The following IL1RAPL2 variants were observed in gnomAD, a reference collection of about 807,000 sequenced individuals.
IL1RAPL2 encodes the protein interleukin 1 receptor accessory protein like 2.
In IL1RAPL2, 3 loss-of-function variants were observed where a neutral mutation model predicts 44.1. The ratio of observed to expected loss-of-function variants is 0.07; its 90% CI spans 0.03 to 0.18. IL1RAPL2 has a LOEUF of 0.18. Ranked by LOEUF, IL1RAPL2 falls within the 10% of genes least tolerant of loss-of-function variation. The pLI is 1.00. For synonymous variants in IL1RAPL2, 181 were observed against 178.8 expected, an observed-to-expected ratio of 1.01 and a Z score of -0.10; for missense variants, 391 against 496.4, an observed-to-expected ratio of 0.79 and a Z score of 2.02.
intron 6 of IL1RAPL2, among the ~76,000 whole-genome samples, chrX:105,526,862 A>C (rs1402302469): frequency 2.7e-5 from 3 of 111,448 alleles, no homozygotes; most frequent in Non-Finnish European, 5.7e-5. Context: ...TCTGGGCAGG[A>C]GACATGTATT....
intron 2 of IL1RAPL2, among the ~76,000 whole-genome samples, chrX:104,784,630 C>G (rs1189423692): frequency 9.1e-6 from 1 of 110,186 alleles, no homozygotes; most frequent in Non-Finnish European, 1.9e-5. Flanking sequence ...ACACATAACC[C>G]TTCATGTATT....
Position 105,103,005 on chromosome X carries a change from A to G in IL1RAPL2, c.83-92470A>G, listed in dbSNP as rs373560389. Among the ~76,000 whole-genome samples, 4 of 111,612 alleles carry G rather than the reference A, an allele frequency of 3.6e-5. No homozygotes were observed. In the East Asian group the frequency reaches 1.1e-3, roughly 32 times the overall value. On this transcript the variant is annotated intron_variant, in intron 2 of 10. Transcript: ENST00000372582. Reference sequence around the variant, plus strand: ...TGGAAGAGGTTTTTGGGGGTGGAGAAATTTTGAGCACAGTTTTAAACATGT... The same window carrying G: ...TGGAAGAGGTTTTTGGGGGTGGAGAGATTTTGAGCACAGTTTTAAACATGT...
intron 4 of IL1RAPL2, among the ~76,000 whole-genome samples, chrX:105,248,466 A>T (rs948739245): frequency 1.4e-4 from 16 of 111,730 alleles, no homozygotes; most frequent in Non-Finnish European, 1.5e-4. Flanking sequence ...ATAACCAGTT[A>T]GACATGTAAA....
chrX:104,717,445 TA>T (rs767384557), intron 2 of IL1RAPL2, among the ~76,000 whole-genome samples: 13,449 of 83,393 alleles, frequency 0.16, 1,739 homozygotes, highest in African/African-American at 0.42. Context: ...ACTTAAAAGT[TA>T]AAAAAAAAAA....
chrX:105,665,747 T>TG (rs1460299468), intron 6 of IL1RAPL2, among the ~76,000 whole-genome samples: 17 of 98,200 alleles, frequency 1.7e-4, no homozygotes, highest in African/African-American at 5.6e-4. Context: ...TTTTTGTTTT[T>TG]TTTTTTTTGT....
chrX:104,756,854 T>C (rs1932348096), intron 2 of IL1RAPL2, among the ~76,000 whole-genome samples: 1 of 109,338 alleles, frequency 9.1e-6, no homozygotes. Flanking sequence ...TTTCAAGCAG[T>C]GGAAGCATCA....
chrX:104,568,222 G>C (rs1357511499), intron 1 of IL1RAPL2, among the ~76,000 whole-genome samples: 1 of 110,205 alleles, frequency 9.1e-6, no homozygotes, highest in Non-Finnish European at 1.9e-5. Flanking sequence ...TCCTGGCCAG[G>C]GGAATCAAGC....
In IL1RAPL2 at chrX:105,644,597, C is replaced by A. The variant is rs139049617; in HGVS notation, c.773-72770C>A. ...AGTTTCTACTGTTATTCTTCAAGTT[C>A]TTGTTATTTTCTTATTTTTTTTAAT... On this transcript the variant is annotated intron_variant, in intron 6 of 10. Coordinates refer to ENST00000372582, the MANE Select transcript of IL1RAPL2 (RefSeq NM_017416.2). Among the ~76,000 whole-genome samples the A allele has an allele frequency of 7.0e-3, 772 of 110,686 alleles. 7 individuals are homozygous for A. The highest frequency in any genetic ancestry group is 0.024 in the African/African-American group (725 of 30,473).
At chrX:104,869,001 A>G (rs1602769808) in intron 2 of IL1RAPL2, among the ~76,000 whole-genome samples, 1 of 111,675 alleles carries the variant, frequency 9.0e-6, no homozygotes, top group East Asian at 2.8e-4. Context: ...TTGTTTTAAT[A>G]TCAATGATTC....
Position 104,810,017 on chromosome X carries a change from A to G in IL1RAPL2, c.82+151022A>G, listed in dbSNP as rs1932961208. On this transcript the variant is annotated intron_variant, in intron 2 of 10. Coordinates refer to ENST00000372582, the MANE Select transcript of IL1RAPL2 (RefSeq NM_017416.2). ...TAGCAAAGACTTGGAACCAACACAA[A>G]TGTCCAACAATGATAGACTGGATTA... Among the ~76,000 whole-genome samples, 3 of 111,102 alleles carry G rather than the reference A, an allele frequency of 2.7e-5. 1 individual carries two copies. Among genetic ancestry groups the G allele is most frequent in the African/African-American group, 9.8e-5 (3 of 30,603 alleles).
chrX:104,699,343 TGATGGA>T (rs1211429862), intron 2 of IL1RAPL2, among the ~76,000 whole-genome samples: 2 of 111,420 alleles, frequency 1.8e-5, no homozygotes, highest in Admixed American at 9.6e-5. Context: ...CATCTGGGGG[TGATGGA>T]GATAGTAACA....
chrX:105,354,195 A>T (rs1245068590), intron 5 of IL1RAPL2, among the ~76,000 whole-genome samples: 1 of 111,284 alleles, frequency 9.0e-6, no homozygotes, highest in South Asian at 3.8e-4. Context: ...ATAAAGACAC[A>T]TGCACACGTA....
intron 5 of IL1RAPL2, among the ~76,000 whole-genome samples, chrX:105,441,993 A>C (rs892010601): frequency 1.8e-5 from 2 of 111,571 alleles, no homozygotes; most frequent in African/African-American, 6.5e-5. Context: ...TATAGTATTC[A>C]TAAGTAATAA....
intron 2 of IL1RAPL2, among the ~76,000 whole-genome samples, chrX:104,876,683 AATTTT>A (rs1353352275): frequency 1.1e-5 from 1 of 90,601 alleles, no homozygotes; most frequent in Non-Finnish European, 2.2e-5. Context: ...GGACATGCTG[AATTTT>A]ATTTTATTTT....
intron 2 of IL1RAPL2, among the ~76,000 whole-genome samples, chrX:104,917,889 A>G (rs1000445484): frequency 8.9e-6 from 1 of 111,831 alleles, no homozygotes; most frequent in African/African-American, 3.3e-5. Context: ...AAGAGACAGA[A>G]AAGACATGGC....
intron 3 of IL1RAPL2, among the ~76,000 whole-genome samples, chrX:105,223,687 A>T (rs1392267769): frequency 2.7e-5 from 3 of 111,868 alleles, no homozygotes; most frequent in African/African-American, 9.7e-5. Flanking sequence ...TAGGGCTTGA[A>T]CTGTGGCAGG....
chrX:105,449,753 A>C (rs951179046), intron 5 of IL1RAPL2, among the ~76,000 whole-genome samples: 28 of 110,624 alleles, frequency 2.5e-4, no homozygotes, highest in South Asian at 3.8e-4. Context: ...CAAAAAAAAA[A>C]CAAAAAACAA....
At chrX:104,850,203 T>A (rs1922189469) in intron 2 of IL1RAPL2, among the ~76,000 whole-genome samples, 1 of 111,442 alleles carries the variant, frequency 9.0e-6, no homozygotes, top group Admixed American at 9.6e-5. Context: ...ATGTGGTAGT[T>A]GGATTTTTTT....
intron 5 of IL1RAPL2, among the ~76,000 whole-genome samples, chrX:105,439,799 A>T (rs1467823936): frequency 2.7e-5 from 3 of 112,074 alleles, no homozygotes; most frequent in South Asian, 3.7e-4. Flanking sequence ...TAGGAAGTTG[A>T]ATTTGAAGAT....
Sources: gnomAD v4.1 joint callset for allele counts (sites outside exome capture counted in the v4.1 genomes callset) on GRCh38, gnomAD v4.1.1 for gene constraint, MANE v1.5 for transcripts, NCBI Gene and HGNC (gene_info 2026-07-23, HGNC 2026-07-21) for gene names.